Variants in ANKH observed in about 807,000 individuals in gnomAD.
The protein encoded by ANKH is mineralization regulator ANKH.
ANKH carries 15 observed loss-of-function variants against 49.0 expected under a neutral mutation model. That is an observed-to-expected ratio of 0.31 (90% CI 0.20 to 0.47). ANKH has a LOEUF of 0.47. Among genes scored for constraint, ANKH ranks in the 20% least tolerant of loss-of-function variants. ANKH has a pLI of 1.00. For missense variants in ANKH, 429 were observed against 652.0 expected (o/e 0.66, Z 3.72); for synonymous variants, 273 against 260.0 (o/e 1.05, Z -0.48).
chr5:14,822,097 C>T (rs1007879323), intron 1 of ANKH, among the ~76,000 whole-genome samples: 5 of 152,156 alleles, frequency 3.3e-5, no homozygotes, highest in African/African-American at 9.7e-5. Context: ...CATTGATGGA[C>T]CCTGCTGTCC....
chr5:14,796,597 T>C (rs1740397783), intron 1 of ANKH, among the ~76,000 whole-genome samples: 1 of 152,070 alleles, frequency 6.6e-6, no homozygotes, highest in Admixed American at 6.6e-5. Flanking sequence ...CTGTTTTGAC[T>C]TAACTGAAGA....
At chr5:14,869,549 C>G (rs975686041) in intron 1 of ANKH, 1 of 152,226 alleles carries the variant, frequency 6.6e-6, no homozygotes, top group Admixed American at 6.5e-5. Context: ...CCATGATAAT[C>G]AGGTTAGCAA....
chr5:14,840,722 C>T (rs1176188209), intron 1 of ANKH, among the ~76,000 whole-genome samples: 4 of 152,322 alleles, frequency 2.6e-5, no homozygotes, highest in Non-Finnish European at 5.9e-5. Context: ...ATTCTACTGA[C>T]ACATCAGGTT....
Position 14,751,107 on chromosome 5 carries a change from G to A in ANKH, c.649C>T (p.His217Tyr), listed in dbSNP as rs1221824378. 4 of 1,614,136 alleles carry A rather than the reference G, an allele frequency of 2.5e-6. No homozygotes were observed. The highest frequency in any genetic ancestry group is 3.4e-6 in the Non-Finnish European group (4 of 1,180,060). ...CCACTTCTGTCAGGGATGATGTCGT[G>A]AATGTTCTTGTAGTAGCCCAGGCAC... Reference protein sequence around the residue: ...TLCLGYYKNIHDIIPDRSGPE... With the variant: ...TLCLGYYKNIYDIIPDRSGPE... The change falls in exon 5 of 12, where the codon CAC (histidine) becomes TAC (tyrosine). Residue 217 changes from histidine (H) to tyrosine (Y), a missense_variant. Physicochemically the swap from His to Tyr is moderately conservative, Grantham distance 83. This residue lies in a region of ANKH where 378 missense variants were observed against 615.3 expected (regional missense o/e 0.61). Transcript: ENST00000284268.
chr5:14,819,710 T>C (rs1387616513), intron 1 of ANKH, among the ~76,000 whole-genome samples: 1 of 151,904 alleles, frequency 6.6e-6, no homozygotes, highest in African/African-American at 2.4e-5. Flanking sequence ...TACCAAAAAT[T>C]CAAAAATTAG....
At chr5:14,787,550 T>C (rs962665375) in intron 1 of ANKH, among the ~76,000 whole-genome samples, 8 of 152,174 alleles carry the variant, frequency 5.3e-5, no homozygotes, top group Non-Finnish European at 1.2e-4. Context: ...AATTATTAAC[T>C]TGATACATTT....
At chr5:14,854,272 A>G (rs938871646) in intron 1 of ANKH, among the ~76,000 whole-genome samples, 16 of 152,210 alleles carry the variant, frequency 1.1e-4, no homozygotes, top group South Asian at 2.1e-4. Context: ...CCCACTGTTT[A>G]TTCATAACTT....
Position 14,706,962 on chromosome 5 carries a change from C to G in ANKH, c.*4235G>C, listed in dbSNP as rs1736965031. On this transcript the variant is annotated 3_prime_UTR_variant, in exon 12 of 12. Coordinates refer to ENST00000284268, the MANE Select transcript of ANKH (RefSeq NM_054027.6). ...TGAATGTGCAATGCAGACATCTCAACACTCCACGTCTTTCAAAGCTCTTCC... is the reference window on the plus strand; with the variant it reads ...TGAATGTGCAATGCAGACATCTCAAGACTCCACGTCTTTCAAAGCTCTTCC... 1 of 152,226 alleles carries G rather than the reference C, an allele frequency of 6.6e-6. No homozygotes were observed. Among genetic ancestry groups the G allele is most frequent in the Non-Finnish European group, 1.5e-5 (1 of 68,052 alleles). The allele number at this position is 152,226 out of a possible 1,614,324, so 9.4% of individuals were successfully genotyped here. A position where few individuals can be genotyped will look rare whatever the true frequency, so the allele number is the denominator to read the frequency against.
In ANKH at chr5:14,789,184, C is replaced by T. The variant is rs371418476; in HGVS notation, c.97-19993G>A. ...CAGAGGTTATAATGAGCCAAGATTGCGCCACTGCACTCCAGCCTGGGCGAC... is the reference window on the plus strand; with the variant it reads ...CAGAGGTTATAATGAGCCAAGATTGTGCCACTGCACTCCAGCCTGGGCGAC... On this transcript the variant is annotated intron_variant, in intron 1 of 11. Coordinates refer to ENST00000284268, the MANE Select transcript of ANKH (RefSeq NM_054027.6). 3.1e-4 allele frequency among the ~76,000 whole-genome samples: 47 copies of T among 152,040 alleles called. 1 individual carries two copies. Among genetic ancestry groups the T allele is most frequent in the East Asian group, 2.7e-3 (14 of 5,186 alleles).
intron 1 of ANKH, among the ~76,000 whole-genome samples, chr5:14,771,921 G>GAAAAAAAAAAAAAAAAAAAAAAAA (rs869185652): frequency 2.8e-4 from 15 of 53,346 alleles, no homozygotes; most frequent in Non-Finnish European, 3.8e-4. Flanking sequence ...CTCAAAAAAA[G>GAAAAAAAAAAAAAAAAAAAAAAAA]AAAAAAAAAA....
intron 1 of ANKH, among the ~76,000 whole-genome samples, chr5:14,846,860 T>C (rs1741975750): frequency 6.6e-6 from 1 of 151,450 alleles, no homozygotes; most frequent in Non-Finnish European, 1.5e-5. Context: ...AAAAAAAAAC[T>C]AGCCAGGCAT....
chr5:14,842,703 G>C (rs960770447), intron 1 of ANKH, among the ~76,000 whole-genome samples: 6 of 152,180 alleles, frequency 3.9e-5, no homozygotes, highest in Non-Finnish European at 2.9e-5. Flanking sequence ...AACAGATGAA[G>C]GCTGCAGAGA....
At chr5:14,871,183 G>A (rs1370792662) in intron 1 of ANKH, 169 bp downstream of exon 1, 1 of 691,320 alleles carries the variant, frequency 1.4e-6, no homozygotes, top group South Asian at 1.5e-5. Flanking sequence ...TGAGGGGAGG[G>A]AGGGAGGGAA....
At chr5:14,741,145 T>C (rs1440310445) in intron 8 of ANKH, 1 of 152,262 alleles carries the variant, frequency 6.6e-6, no homozygotes, top group Non-Finnish European at 1.5e-5. Flanking sequence ...ATATACCACG[T>C]CCTTTGGACT....
At position 14,745,937 on chromosome 5, in the gene ANKH, TA is replaced by T; in HGVS notation, c.847del (p.Tyr283ThrfsTer11). 1 of 1,614,118 alleles carries T rather than the reference TA, an allele frequency of 6.2e-7. No individual in the cohort carries two copies. Among genetic ancestry groups the T allele is most frequent in the Non-Finnish European group, 8.5e-7 (1 of 1,180,014 alleles). ...TEAVAILTAT[Y>X]PVGHMPYGWL... ...GCCGTATGGCATGTGACCCACAGGG[TA>T]TGTGGCTGTCAAAATCGCCACTGCC... On this transcript the variant is annotated frameshift_variant, in exon 7 of 12. Transcript: ENST00000284268. LOFTEE classifies it high-confidence loss of function. This position sits in a 1 kb window ranked among gnomAD's most constrained non-coding sequence, Gnocchi z 4.7.
intron 1 of ANKH, among the ~76,000 whole-genome samples, chr5:14,865,633 T>C (rs1356685148): frequency 3.3e-5 from 5 of 152,206 alleles, no homozygotes; most frequent in Non-Finnish European, 7.3e-5. Context: ...CATTGCTCAG[T>C]GACTTTTGAT....
At chr5:14,768,578 G>A (rs1162390626) in intron 2 of ANKH, 2 of 263,720 alleles carry the variant, frequency 7.6e-6, no homozygotes, top group African/African-American at 4.5e-5. Flanking sequence ...TCTGTCATTT[G>A]TTCTCACTGC....
intron 1 of ANKH, among the ~76,000 whole-genome samples, chr5:14,843,375 C>T (rs73052512): frequency 0.019 from 2,888 of 151,658 alleles, 68 homozygotes; most frequent in African/African-American, 0.053. Context: ...GGCACTTCGC[C>T]ATGTTGGTCA....
intron 1 of ANKH, among the ~76,000 whole-genome samples, chr5:14,858,475 G>A (rs904553787): frequency 6.6e-6 from 1 of 152,128 alleles, no homozygotes; most frequent in African/African-American, 2.4e-5. Context: ...CTAACACTTT[G>A]GGAGGCCAAG....
Sources: allele counts gnomAD v4.1 joint callset (sites outside exome capture counted in the v4.1 genomes callset), GRCh38; gene constraint gnomAD v4.1.1; regional missense constraint gnomAD v4.1.1; non-coding constraint Gnocchi (gnomAD v3.1); transcripts MANE v1.5; gene names NCBI Gene and HGNC (gene_info 2026-07-23, HGNC 2026-07-21).